The following AKT3 variants were observed in gnomAD, a reference collection of about 807,000 sequenced individuals.
The protein encoded by AKT3 is AKT serine/threonine kinase 3.
In AKT3, 15 loss-of-function variants were observed where a neutral mutation model predicts 65.3. The ratio of observed to expected loss-of-function variants is 0.23; its 90% CI spans 0.15 to 0.35. The LOEUF is 0.35. Ranked by LOEUF, AKT3 falls within the 10% of genes least tolerant of loss-of-function variation. The pLI, the probability that AKT3 is intolerant of heterozygous loss-of-function variation, is 1.00. For synonymous variants in AKT3, 206 were observed against 183.8 expected (o/e 1.12, Z -0.98); for missense variants, 243 against 576.5 (o/e 0.42, Z 5.92).
In AKT3 at chr1:243,501,414, G is replaced by GTGTT. The variant is rs1669287638; in HGVS notation, c.*3831_*3834dup. 4.3e-6 allele frequency: 1 copy of GTGTT among 233,126 alleles called. No individual in the cohort carries two copies. The allele number at this position is 233,126 out of a possible 1,614,324, so 14.4% of individuals were successfully genotyped here. A position where few individuals can be genotyped will look rare whatever the true frequency, so the allele number is the denominator to read the frequency against. ...CCTTCAGATTCTGGGTCCAAACCGT[G>GTGTT]TGTTGTATAGATGATTCGGGTCTGA... On this transcript the variant is annotated 3_prime_UTR_variant, in exon 14 of 14. Transcript: ENST00000673466.
At chr1:243,678,980 C>T (rs1683723788) in intron 3 of AKT3, among the ~76,000 whole-genome samples, 1 of 152,120 alleles carries the variant, frequency 6.6e-6, no homozygotes, top group Non-Finnish European at 1.5e-5. Context: ...TTCATCTCTG[C>T]CACCCGAGAC....
chr1:243,630,941 G>C (rs1357174947), intron 6 of AKT3, among the ~76,000 whole-genome samples: 1 of 150,770 alleles, frequency 6.6e-6, no homozygotes, highest in African/African-American at 2.4e-5. Flanking sequence ...GGCTTCTCAA[G>C]AACCAATGTT....
chr1:243,710,979 A>C (rs1176079935), intron 2 of AKT3, among the ~76,000 whole-genome samples: 1 of 152,182 alleles, frequency 6.6e-6, no homozygotes, highest in Non-Finnish European at 1.5e-5. Context: ...TCCAAAATAA[A>C]CTGAGGTTAC....
intron 12 of AKT3, among the ~76,000 whole-genome samples, chr1:243,544,036 C>CCCA (rs1159396859): frequency 1.3e-5 from 2 of 151,736 alleles, no homozygotes; most frequent in East Asian, 3.9e-4. Flanking sequence ...CATAACAGAC[C>CCCA]CCAAATAAAT....
At chr1:243,785,117 T>G (rs934971117) in intron 2 of AKT3, among the ~76,000 whole-genome samples, 63 of 148,938 alleles carry the variant, frequency 4.2e-4, no homozygotes, top group Non-Finnish European at 4.3e-4. Context: ...CAGGCTGGAG[T>G]GCAGTGGTGC....
At chr1:243,623,855 G>A (rs759595766) in intron 6 of AKT3, among the ~76,000 whole-genome samples, 14 of 152,144 alleles carry the variant, frequency 9.2e-5, no homozygotes, top group African/African-American at 1.9e-4. Context: ...ATATGTATCC[G>A]ATTGTGTCTG....
At chr1:243,562,541 C>G (rs746471287) in intron 10 of AKT3, among the ~76,000 whole-genome samples, 1 of 152,138 alleles carries the variant, frequency 6.6e-6, no homozygotes, top group Non-Finnish European at 1.5e-5. Context: ...TGATGGTTTA[C>G]TAGGTGGAAA....
rs905667136 is a variant in AKT3 at position 243,534,335 on chromosome 1, G to A, written c.1251+11175C>T. On this transcript the variant is annotated intron_variant, in intron 12 of 13. Transcript: ENST00000673466. The stretch of plus-strand genomic sequence containing the variant: ...GCCAATTCTCCAAGAAAACATAACA[G>A]TCCTTAATGTGTATGTGTCTAGCAA... Among the ~76,000 whole-genome samples, 3 of 152,174 alleles carry A rather than the reference G, an allele frequency of 2.0e-5. No individual in the cohort carries two copies. The East Asian group carries it at 5.8e-4, about 29-fold the overall frequency.
At chr1:243,627,644 T>G (rs1393300686) in intron 6 of AKT3, among the ~76,000 whole-genome samples, 2 of 152,172 alleles carry the variant, frequency 1.3e-5, no homozygotes, top group Non-Finnish European at 1.5e-5. Context: ...TACCACAGGC[T>G]GGAGGATAAA....
intron 2 of AKT3, among the ~76,000 whole-genome samples, chr1:243,826,758 T>C (rs1325492614): frequency 6.6e-6 from 1 of 152,238 alleles, no homozygotes; most frequent in Admixed American, 6.5e-5. Flanking sequence ...TGTCCTTTTT[T>C]GTTGTTACTG....
At chr1:243,508,018 G>A (rs948232531) in intron 13 of AKT3, among the ~76,000 whole-genome samples, 1 of 152,194 alleles carries the variant, frequency 6.6e-6, no homozygotes, top group South Asian at 2.1e-4. Flanking sequence ...TACAAGCAAG[G>A]TGGCAAGTGG....
intron 2 of AKT3, among the ~76,000 whole-genome samples, chr1:243,830,646 G>C (rs949843302): frequency 1.4e-4 from 21 of 152,124 alleles, no homozygotes; most frequent in African/African-American, 5.1e-4. Flanking sequence ...TAAGATAAGT[G>C]ATCCATTAGA....
chr1:243,781,121 G>A (rs537187954), intron 2 of AKT3, among the ~76,000 whole-genome samples: 1 of 151,804 alleles, frequency 6.6e-6, no homozygotes, highest in East Asian at 1.9e-4. Flanking sequence ...TTTTTTCTAT[G>A]GAAAAAATTA....
At chr1:243,492,043 G>C (rs1361098801) in intron 13 of AKT3, among the ~76,000 whole-genome samples, 2 of 152,124 alleles carry the variant, frequency 1.3e-5, no homozygotes, top group Non-Finnish European at 2.9e-5. Context: ...TGCCCCTGGT[G>C]GTGGGGCTCA....
At chr1:243,646,072 G>A in intron 4 of AKT3, 35 bp from the exon 5 acceptor site, 1 of 1,515,668 alleles carries the variant, frequency 6.6e-7, no homozygotes, top group Non-Finnish European at 8.9e-7. Context: ...ATTAATAGAA[G>A]ATGGTAAATG....
At chr1:243,569,362 C>T (rs925669222) in intron 9 of AKT3, among the ~76,000 whole-genome samples, 1 of 152,160 alleles carries the variant, frequency 6.6e-6, no homozygotes. Context: ...AATACCAGTA[C>T]AATTTTATTT....
rs113381117 is a variant in AKT3, at chr1:243,694,646, T to C, written c.172+945A>G. ...TACAGTAGCCATTCTAACCCACTAA[T>C]AAGGGCTAACCTGAATTAAACAATA... On this transcript the variant is annotated intron_variant, in intron 3 of 13. Coordinates refer to ENST00000673466, the MANE Select transcript of AKT3 (RefSeq NM_005465.7). Among the ~76,000 whole-genome samples the C allele has an allele frequency of 1.1e-3, 160 of 152,076 alleles. 1 individual carries two copies. The highest frequency in any genetic ancestry group is 3.8e-3 in the African/African-American group (157 of 41,562).
At chr1:243,804,855 A>T (rs544645262) in intron 2 of AKT3, among the ~76,000 whole-genome samples, 1 of 152,036 alleles carries the variant, frequency 6.6e-6, no homozygotes, top group Non-Finnish European at 1.5e-5. Flanking sequence ...TCAAAAAAAA[A>T]AAACAAACAA....
intron 2 of AKT3, among the ~76,000 whole-genome samples, chr1:243,720,516 T>G (rs528145507): frequency 2.0e-5 from 3 of 151,622 alleles, no homozygotes; most frequent in African/African-American, 4.8e-5. Context: ...ATAATCTTCA[T>G]GTGTTTTATC....
Sources: gnomAD v4.1 joint callset for allele counts (sites outside exome capture counted in the v4.1 genomes callset) on GRCh38, gnomAD v4.1.1 for gene constraint, MANE v1.5 for transcripts, NCBI Gene and HGNC (gene_info 2026-07-23, HGNC 2026-07-21) for gene names.